Variants in RIMS2 observed in about 807,000 individuals in gnomAD.
The protein encoded by RIMS2 is regulating synaptic membrane exocytosis 2, also known as regulating synaptic membrane exocytosis protein 2.
A neutral mutation model predicts 174.4 loss-of-function variants in RIMS2; 59 were observed. The ratio of observed to expected loss-of-function variants is 0.34; its 90% CI spans 0.27 to 0.42. The LOEUF is 0.42. RIMS2 is among the 10% of genes least tolerant of loss of function. RIMS2 has a pLI of 1.00. For synonymous variants in RIMS2, 606 were observed against 572.5 expected (o/e 1.06, Z -0.84); for missense variants, 1,620 against 1,666.3 (o/e 0.97, Z 0.48).
chr8:103,955,473 C>T (rs144048985), intron 14 of RIMS2, among the ~76,000 whole-genome samples: 1 of 152,262 alleles, frequency 6.6e-6, no homozygotes, highest in African/African-American at 2.4e-5. Flanking sequence ...CATAATCCAT[C>T]ACATAAACAG....
intron 6 of RIMS2, among the ~76,000 whole-genome samples, chr8:103,912,554 T>C (rs963483101): frequency 6.6e-6 from 1 of 152,136 alleles, no homozygotes; most frequent in African/African-American, 2.4e-5. Flanking sequence ...TTGGGAAATG[T>C]AATATGTATA....
chr8:103,790,859 A>G (rs959666217), intron 3 of RIMS2, among the ~76,000 whole-genome samples: 3 of 152,212 alleles, frequency 2.0e-5, no homozygotes, highest in African/African-American at 4.8e-5. Flanking sequence ...TCTATCCAAC[A>G]TTTATTAAAG....
chr8:103,998,303 T>G (rs2095230938), intron 17 of RIMS2: 1 of 1,199,738 alleles, frequency 8.3e-7, no homozygotes, highest in Non-Finnish European at 1.2e-6. Flanking sequence ...TGCCTGTGTA[T>G]TGATATGATA....
intron 1 of RIMS2, among the ~76,000 whole-genome samples, chr8:103,541,011 T>A (rs1842349073): frequency 6.6e-6 from 1 of 152,048 alleles, no homozygotes. Context: ...GCTTATGGGA[T>A]TTATGGGACA....
intron 1 of RIMS2, among the ~76,000 whole-genome samples, chr8:103,613,770 A>T (rs951255916): frequency 3.3e-5 from 5 of 152,216 alleles, no homozygotes; most frequent in Non-Finnish European, 5.9e-5. Context: ...ATCCTGCCAA[A>T]GCTAGTACTG....
chr8:104,227,379 A>G (rs566320433), intron 19 of RIMS2, among the ~76,000 whole-genome samples: 1 of 152,024 alleles, frequency 6.6e-6, no homozygotes, highest in Non-Finnish European at 1.5e-5. Context: ...CTTTGAGATA[A>G]GAATTATTTT....
intron 19 of RIMS2, among the ~76,000 whole-genome samples, chr8:104,108,552 G>GC (rs2098120249): frequency 6.6e-6 from 1 of 151,682 alleles, no homozygotes; most frequent in Non-Finnish European, 1.5e-5. Context: ...TTCCACCTTG[G>GC]CCCCCCAGAG....
intron 17 of RIMS2, among the ~76,000 whole-genome samples, chr8:103,990,326 T>C (rs971007001): frequency 6.6e-6 from 1 of 152,116 alleles, no homozygotes; most frequent in African/African-American, 2.4e-5. Context: ...TGATTTAGTA[T>C]ACTTCTCCAG....
chr8:103,672,284 C>G (rs1178273341), intron 1 of RIMS2, among the ~76,000 whole-genome samples: 2 of 151,652 alleles, frequency 1.3e-5, no homozygotes, highest in East Asian at 1.9e-4. Flanking sequence ...ATATGCAAAT[C>G]TTGTTCAAAG....
intron 11 of RIMS2, among the ~76,000 whole-genome samples, chr8:103,930,889 C>A (rs2079794270): frequency 6.6e-6 from 1 of 152,046 alleles, no homozygotes. Flanking sequence ...ATTTTGAGCA[C>A]TTATTCTGAA....
chr8:103,830,698 C>T lies in RIMS2; in HGVS notation c.699-54600C>T, dbSNP rs187211441. Among the ~76,000 whole-genome samples, 22 of 152,278 alleles carry T rather than the reference C, an allele frequency of 1.4e-4. No homozygotes were observed. In the East Asian group the frequency reaches 2.3e-3, roughly 16 times the overall value. ...ATTTTTTCTCTCAATTGCTGAGAGA[C>T]GTGTTAAAAATTTTAACTGTGATTA... On this transcript the variant is annotated intron_variant, in intron 3 of 23. Coordinates refer to ENST00000504942, the Ensembl canonical transcript of RIMS2.
chr8:103,836,721 A>G (rs1039311707), intron 3 of RIMS2, among the ~76,000 whole-genome samples: 2 of 152,256 alleles, frequency 1.3e-5, no homozygotes, highest in Admixed American at 1.3e-4. Context: ...TTTTCTAGAG[A>G]AGTTGAACAG....
Position 103,824,224 on chromosome 8 carries a change from G to C in RIMS2, c.698+57687G>C, listed in dbSNP as rs1215052574. Reference sequence around the variant, plus strand: ...TTCTGCTTTTGGTGATGACTGACAGGTAAATGTTAACTATAGTTTTAAATT... The same window carrying C: ...TTCTGCTTTTGGTGATGACTGACAGCTAAATGTTAACTATAGTTTTAAATT... On this transcript the variant is annotated intron_variant, in intron 3 of 23. Coordinates refer to ENST00000504942, the Ensembl canonical transcript of RIMS2. Among the ~76,000 whole-genome samples the C allele has an allele frequency of 3.9e-5, 6 of 152,130 alleles. No individual in the cohort carries two copies. The East Asian group carries it at 1.2e-3, about 29-fold the overall frequency.
chr8:103,671,564 C>A (rs1292580613), intron 1 of RIMS2, among the ~76,000 whole-genome samples: 1 of 152,098 alleles, frequency 6.6e-6, no homozygotes, highest in Non-Finnish European at 1.5e-5. Context: ...TCCTTTCTAC[C>A]CTTTCCATGA....
downstream of RIMS2, chr8:104,254,635 GC>G (rs896782414): frequency 6.6e-6 from 1 of 152,152 alleles, no homozygotes; most frequent in African/African-American, 2.4e-5. Context: ...ATGAAAAGGT[GC>G]TGTTTTTTAA....
intron 1 of RIMS2, among the ~76,000 whole-genome samples, chr8:103,620,740 A>G (rs1402727995): frequency 6.6e-6 from 1 of 152,210 alleles, no homozygotes; most frequent in Non-Finnish European, 1.5e-5. Flanking sequence ...ATAATACCAG[A>G]TAAAGGATAT....
chr8:103,910,174 T>C (rs2075375886), exon 5 of RIMS2: 3 of 1,612,144 alleles, frequency 1.9e-6, no homozygotes, highest in East Asian at 4.5e-5. Flanking sequence ...CGTCTTGGCA[T>C]AGCAGTGAGG....
Position 103,865,041 on chromosome 8 carries a change from T to C in RIMS2, c.699-20257T>C, listed in dbSNP as rs74824329. ...AAATAACAGCGCTTCCCAAACTATT[T>C]CCCTTCATAGCACACATAGAAAATG... On this transcript the variant is annotated intron_variant, in intron 3 of 23. Coordinates refer to ENST00000504942, the Ensembl canonical transcript of RIMS2. Among the ~76,000 whole-genome samples, 1,084 of 152,074 alleles carry C rather than the reference T, an allele frequency of 7.1e-3. 22 individuals are homozygous for C. The highest frequency in any genetic ancestry group is 0.025 in the African/African-American group (1,023 of 41,496).
At chr8:104,167,542 T>G (rs2098805149) in intron 19 of RIMS2, among the ~76,000 whole-genome samples, 1 of 152,198 alleles carries the variant, frequency 6.6e-6, no homozygotes, top group African/African-American at 2.4e-5. Context: ...TCTTGCTGAT[T>G]TGTTTGAGCT....
Sources: gnomAD v4.1 joint callset for allele counts (sites outside exome capture counted in the v4.1 genomes callset) on GRCh38, gnomAD v4.1.1 for gene constraint, MANE v1.5 for transcripts, NCBI Gene and HGNC (gene_info 2026-07-23, HGNC 2026-07-21) for gene names.